SYTL3: variants seen among roughly 807,000 people sequenced by gnomAD.
The protein encoded by SYTL3 is synaptotagmin like 3, also known as synaptotagmin-like protein 3.
SYTL3 carries 88 observed loss-of-function variants against 82.1 expected under a neutral mutation model. That is an observed-to-expected ratio of 1.07 (90% CI 0.90 to 1.28). The LOEUF is 1.28. SYTL3 is among the 50% of genes most tolerant of loss of function. The pLI, the probability that SYTL3 is intolerant of heterozygous loss-of-function variation, is 0.00. For synonymous variants in SYTL3, 311 were observed against 289.4 expected (o/e 1.07, Z -0.76); for missense variants, 831 against 757.6 (o/e 1.10, Z -1.14).
chr6:158,723,509 CT>C lies in SYTL3; in HGVS notation c.721-1985del, dbSNP rs888391938. 1.3e-3 allele frequency among the ~76,000 whole-genome samples: 202 copies of C among 151,536 alleles called. 1 individual carries two copies. Among genetic ancestry groups the C allele is most frequent in the African/African-American group, 4.5e-3 (188 of 41,328 alleles). On this transcript the variant is annotated intron_variant, in intron 10 of 17. Coordinates refer to ENST00000611299, the MANE Select transcript of SYTL3 (RefSeq NM_001242394.2). ...CTCTTGCCAACATTCAACTTTGTAC[CT>C]TTTTTTTTCCTCGAAATGTTTATTA...
Position 158,692,700 on chromosome 6 carries a change from A to T in SYTL3, c.394+9711A>T, listed in dbSNP as rs111672851. ...CGCCTGTAATCCCAGCACTTTGGGA[A>T]GCCAAGGAGGGCGGATCACGAGATC... On this transcript the variant is annotated intron_variant, in intron 6 of 17. Transcript: ENST00000611299. 4.6e-5 allele frequency among the ~76,000 whole-genome samples: 7 copies of T among 151,420 alleles called. No individual in the cohort carries two copies. The East Asian group carries it at 1.2e-3, about 25-fold the overall frequency.
At chr6:158,723,311 C>T (rs772138226) in intron 10 of SYTL3, among the ~76,000 whole-genome samples, 5 of 151,310 alleles carry the variant, frequency 3.3e-5, no homozygotes, top group African/African-American at 7.3e-5. Flanking sequence ...CTCCTGACCT[C>T]GTGATCTGCC....
At chr6:158,725,776 T>C (rs1366467362) in intron 11 of SYTL3, 139 bp downstream of exon 11, 37 of 1,145,210 alleles carry the variant, frequency 3.2e-5, no homozygotes, top group Non-Finnish European at 6.3e-6. Flanking sequence ...TTATTATCCA[T>C]CCTTCCATTC....
intron 14 of SYTL3, among the ~76,000 whole-genome samples, chr6:158,759,797 C>T (rs369194911): frequency 1.3e-5 from 2 of 152,168 alleles, no homozygotes; most frequent in South Asian, 4.1e-4. Flanking sequence ...TCCCAAAGTG[C>T]TGGGATTACA....
chr6:158,701,058 G>A (rs933109431), intron 6 of SYTL3, among the ~76,000 whole-genome samples: 1 of 152,196 alleles, frequency 6.6e-6, no homozygotes, highest in African/African-American at 2.4e-5. Context: ...AGGAGTTTTA[G>A]TGCAGGCGTG....
intron 17 of SYTL3, among the ~76,000 whole-genome samples, chr6:158,764,174 C>A (rs1052037439): frequency 2.0e-5 from 3 of 152,276 alleles, no homozygotes; most frequent in Non-Finnish European, 4.4e-5. Flanking sequence ...CGGCCCCACC[C>A]AGCTAGCCAT....
rs1411697355 is a variant in SYTL3 at position 158,692,275 on chromosome 6, A to C, written c.394+9286A>C. On this transcript the variant is annotated intron_variant, in intron 6 of 17. Transcript: ENST00000611299. Reference sequence around the variant, plus strand: ...TCCGTCTCAAAAAAAAAAAAAAAAAAAAAAAAAAAAAAAAAAAAAAGGGTT... The same window carrying C: ...TCCGTCTCAAAAAAAAAAAAAAAAACAAAAAAAAAAAAAAAAAAAAGGGTT... Among the ~76,000 whole-genome samples, 3 of 146,976 alleles carry C rather than the reference A, an allele frequency of 2.0e-5. No homozygotes were observed. In the East Asian group the frequency reaches 6.0e-4, roughly 29 times the overall value.
chr6:158,682,895 C>T, intron 5 of SYTL3, 30 bp from the exon 6 acceptor site: 1 of 1,581,320 alleles, frequency 6.3e-7, no homozygotes, highest in Non-Finnish European at 8.7e-7. Flanking sequence ...TCTTCTCTCT[C>T]TGAAGCTTCC....
chr6:158,764,628 T>G lies in SYTL3; in HGVS notation c.*24T>G. 1.9e-6 allele frequency: 3 copies of G among 1,570,948 alleles called. No individual in the cohort carries two copies. Among genetic ancestry groups the G allele is most frequent in the Non-Finnish European group, 2.6e-6 (3 of 1,140,758 alleles). On this transcript the variant is annotated 3_prime_UTR_variant, in exon 18 of 18. Coordinates refer to ENST00000611299, the MANE Select transcript of SYTL3 (RefSeq NM_001242394.2). The stretch of plus-strand genomic sequence containing the variant: ...GACATGAAGGCCTCAAGGTTCCAGG[T>G]TGCAGCAGGCGTGAGGCACTGTGCG...
At chr6:158,688,858 C>A (rs769664043) in intron 6 of SYTL3, among the ~76,000 whole-genome samples, 119 of 152,010 alleles carry the variant, frequency 7.8e-4, no homozygotes, top group Non-Finnish European at 1.5e-3. Flanking sequence ...TATTTTTAGG[C>A]AAAAAATTAT....
intron 8 of SYTL3, among the ~76,000 whole-genome samples, chr6:158,709,567 G>A (rs1782530914): frequency 6.6e-6 from 1 of 152,036 alleles, no homozygotes; most frequent in South Asian, 2.1e-4. Context: ...TAATGTCTGT[G>A]TTGGTACTTG....
intron 6 of SYTL3, among the ~76,000 whole-genome samples, chr6:158,701,054 T>G (rs921673882): frequency 6.6e-6 from 1 of 152,202 alleles, no homozygotes; most frequent in African/African-American, 2.4e-5. Flanking sequence ...TCAGAGGAGT[T>G]TTAGTGCAGG....
At chr6:158,648,539 C>T (rs1217993742), upstream of SYTL3, among the ~76,000 whole-genome samples, 1 of 147,898 alleles carries the variant, frequency 6.8e-6, no homozygotes, top group African/African-American at 2.5e-5. Context: ...TGCAGTGAGC[C>T]GAGATCGCGC....
chr6:158,754,107 C>T (rs918259689), intron 13 of SYTL3, among the ~76,000 whole-genome samples: 5 of 152,112 alleles, frequency 3.3e-5, no homozygotes, highest in Non-Finnish European at 7.4e-5. Context: ...CATCAGAGTA[C>T]GATTCAGGTG....
intron 6 of SYTL3, among the ~76,000 whole-genome samples, chr6:158,684,467 C>T (rs192996568): frequency 6.6e-6 from 1 of 152,176 alleles, no homozygotes; most frequent in Non-Finnish European, 1.5e-5. Context: ...GATGGGGCAT[C>T]AGGACAAAGG....
At chr6:158,718,751 A>C (rs1783722960) in intron 10 of SYTL3, among the ~76,000 whole-genome samples, 2 of 152,230 alleles carry the variant, frequency 1.3e-5, no homozygotes, top group Non-Finnish European at 2.9e-5. Context: ...CCCAGCCTGG[A>C]GTGAACGCTT....
At chr6:158,744,955 A>C (rs1787424856) in intron 11 of SYTL3, among the ~76,000 whole-genome samples, 1 of 152,174 alleles carries the variant, frequency 6.6e-6, no homozygotes, top group Non-Finnish European at 1.5e-5. Flanking sequence ...TTGGGTGCAC[A>C]CTTTACTTGC....
At chr6:158,713,335 C>T (rs1782970770) in intron 8 of SYTL3, among the ~76,000 whole-genome samples, 1 of 151,978 alleles carries the variant, frequency 6.6e-6, no homozygotes, top group African/African-American at 2.4e-5. Context: ...AAGTGGAGCC[C>T]CTCAGCTCTT....
intron 14 of SYTL3, among the ~76,000 whole-genome samples, chr6:158,758,921 G>A (rs887908522): frequency 2.0e-5 from 3 of 152,130 alleles, no homozygotes; most frequent in African/African-American, 7.2e-5. Context: ...CCCCAGCCAC[G>A]TTGCGGGTGG....
Sources: allele counts gnomAD v4.1 joint callset (sites outside exome capture counted in the v4.1 genomes callset), GRCh38; gene constraint gnomAD v4.1.1; transcripts MANE v1.5; gene names NCBI Gene and HGNC (gene_info 2026-07-23, HGNC 2026-07-21).